FRMD4A: variants seen among roughly 807,000 people sequenced by gnomAD.
FRMD4A encodes the protein FERM domain-containing protein 4A.
FRMD4A carries 29 observed loss-of-function variants against 129.1 expected under a neutral mutation model. That is an observed-to-expected ratio of 0.22 (90% CI 0.17 to 0.31). FRMD4A has a LOEUF of 0.31. Among genes scored for constraint, FRMD4A ranks in the 10% least tolerant of loss-of-function variants. The pLI, the probability that FRMD4A is intolerant of heterozygous loss-of-function variation, is 1.00. For missense variants in FRMD4A, 1,272 were observed against 1,375.8 expected, an observed-to-expected ratio of 0.92 and a Z score of 1.19; for synonymous variants, 634 against 571.6, an observed-to-expected ratio of 1.11 and a Z score of -1.56.
intron 3 of FRMD4A, among the ~76,000 whole-genome samples, chr10:13,820,577 C>T (rs1241529068): frequency 6.6e-6 from 1 of 152,042 alleles, no homozygotes; most frequent in Non-Finnish European, 1.5e-5. Flanking sequence ...AGCAAACAAG[C>T]AGTAACCATC....
intron 2 of FRMD4A, among the ~76,000 whole-genome samples, chr10:13,976,631 A>G (rs1458137723): frequency 6.6e-6 from 1 of 152,186 alleles, no homozygotes; most frequent in African/African-American, 2.4e-5. Context: ...AGGAATAGGA[A>G]AAACTCAGTT....
At chr10:14,021,204 T>A (rs1053066557) in intron 2 of FRMD4A, among the ~76,000 whole-genome samples, 1 of 152,010 alleles carries the variant, frequency 6.6e-6, no homozygotes, top group Non-Finnish European at 1.5e-5. Flanking sequence ...GATGTGTATA[T>A]AGGTGGGGAA....
chr10:13,826,299 T>A (rs1324609692), intron 3 of FRMD4A, among the ~76,000 whole-genome samples: 4 of 152,214 alleles, frequency 2.6e-5, no homozygotes, highest in African/African-American at 9.6e-5. Flanking sequence ...TCGGGAACCA[T>A]GAATAAATCA....
Position 14,314,682 on chromosome 10 carries a change from G to A in FRMD4A, c.45+15376C>T, listed in dbSNP as rs74642106. ...TACACCCACTCATATTTTTCATGTTGCAATCTCTCTGAGCTTCCTTCCTTG... is the reference window on the plus strand; with the variant it reads ...TACACCCACTCATATTTTTCATGTTACAATCTCTCTGAGCTTCCTTCCTTG... On this transcript the variant is annotated intron_variant, in intron 2 of 24. Coordinates refer to ENST00000357447, the MANE Select transcript of FRMD4A (RefSeq NM_018027.5). Among the ~76,000 whole-genome samples, 778 of 152,224 alleles carry A rather than the reference G, an allele frequency of 5.1e-3. 16 individuals are homozygous for A. The South Asian group carries it at 0.053, about 10-fold the overall frequency.
At chr10:14,185,464 A>C (rs11258923) in intron 2 of FRMD4A, among the ~76,000 whole-genome samples, 2 of 152,216 alleles carry the variant, frequency 1.3e-5, no homozygotes, top group South Asian at 2.1e-4. Flanking sequence ...AAATTAGTAC[A>C]AAAAACATTA....
chr10:13,771,230 A>T (rs1479599951), intron 6 of FRMD4A, among the ~76,000 whole-genome samples: 1 of 152,152 alleles, frequency 6.6e-6, no homozygotes, highest in Non-Finnish European at 1.5e-5. Flanking sequence ...GTGTGCCACC[A>T]TGCCTGGCTA....
intron 2 of FRMD4A, among the ~76,000 whole-genome samples, chr10:14,230,717 C>T (rs534900179): frequency 6.6e-6 from 1 of 152,262 alleles, no homozygotes; most frequent in South Asian, 2.1e-4. Flanking sequence ...GGAGTACAGA[C>T]TATTTTGTCA....
intron 2 of FRMD4A, among the ~76,000 whole-genome samples, chr10:14,327,447 G>C (rs7911548): frequency 0.45 from 68,754 of 152,074 alleles, 16,308 homozygotes; most frequent in Non-Finnish European, 0.53. Flanking sequence ...AGGGAACCTA[G>C]ACATCAGAGA....
At chr10:14,168,151 G>A (rs1169129237) in intron 2 of FRMD4A, among the ~76,000 whole-genome samples, 1 of 152,182 alleles carries the variant, frequency 6.6e-6, no homozygotes, top group Non-Finnish European at 1.5e-5. Context: ...AAACCTAGAA[G>A]TCCAGAGGAG....
chr10:13,931,141 G>T (rs1188204025), intron 2 of FRMD4A, among the ~76,000 whole-genome samples: 1 of 152,148 alleles, frequency 6.6e-6, no homozygotes, highest in Non-Finnish European at 1.5e-5. Context: ...AAGGTGTTGA[G>T]CCATAAAGAG....
chr10:13,825,239 T>C (rs1462455020), intron 3 of FRMD4A, among the ~76,000 whole-genome samples: 1 of 152,196 alleles, frequency 6.6e-6, no homozygotes, highest in Non-Finnish European at 1.5e-5. Context: ...CAAGTAAGGT[T>C]GACTTGAACA....
At chr10:13,999,280 A>G (rs905283421) in intron 2 of FRMD4A, among the ~76,000 whole-genome samples, 9 of 152,182 alleles carry the variant, frequency 5.9e-5, no homozygotes, top group East Asian at 1.9e-4. Context: ...CGTACTACCA[A>G]TTCACGAAAG....
intron 2 of FRMD4A, among the ~76,000 whole-genome samples, chr10:13,919,263 C>T (rs1356048308): frequency 6.6e-6 from 1 of 152,194 alleles, no homozygotes; most frequent in East Asian, 1.9e-4. Context: ...TTTGTTTATA[C>T]TGCAGTTGGG....
chr10:13,990,557 T>C (rs1039364448), intron 2 of FRMD4A, among the ~76,000 whole-genome samples: 1 of 152,152 alleles, frequency 6.6e-6, no homozygotes, highest in African/African-American at 2.4e-5. Flanking sequence ...CCTGGTTAAC[T>C]CTCTCCAGGA....
chr10:14,325,667 C>A lies in FRMD4A; in HGVS notation c.45+4391G>T, dbSNP rs555501545. On this transcript the variant is annotated intron_variant, in intron 2 of 24. Coordinates refer to ENST00000357447, the MANE Select transcript of FRMD4A (RefSeq NM_018027.5). Reference sequence around the variant, plus strand: ...CCTGCGTATCTCCAACCTGTCTTGACAATTAGACTGTAAGTATGCTAAAGC... The same window carrying A: ...CCTGCGTATCTCCAACCTGTCTTGAAAATTAGACTGTAAGTATGCTAAAGC... 5.9e-5 allele frequency among the ~76,000 whole-genome samples: 9 copies of A among 152,370 alleles called. No homozygotes were observed. In the South Asian group the frequency reaches 1.2e-3, roughly 21 times the overall value.
intron 2 of FRMD4A, among the ~76,000 whole-genome samples, chr10:13,945,006 G>A (rs902267136): frequency 1.3e-5 from 2 of 152,182 alleles, no homozygotes; most frequent in Non-Finnish European, 2.9e-5. Context: ...CTGGCTTTAC[G>A]TGGACATCTC....
intron 2 of FRMD4A, among the ~76,000 whole-genome samples, chr10:13,899,286 T>G (rs2094793622): frequency 6.6e-6 from 1 of 152,250 alleles, no homozygotes; most frequent in African/African-American, 2.4e-5. Context: ...GTGGTGAGTA[T>G]GTACTCTGTA....
At chr10:14,172,865 G>GTA (rs1324574999) in intron 2 of FRMD4A, among the ~76,000 whole-genome samples, 2 of 152,212 alleles carry the variant, frequency 1.3e-5, no homozygotes, top group African/African-American at 2.4e-5. Flanking sequence ...TAGAGCCTTT[G>GTA]TAACAAACTC....
At chr10:13,702,109 T>C (rs1271257584) in intron 13 of FRMD4A, among the ~76,000 whole-genome samples, 1 of 152,180 alleles carries the variant, frequency 6.6e-6, no homozygotes, top group African/African-American at 2.4e-5. Context: ...TCTTGCCCTG[T>C]CACCCAGGCT....
Sources: allele counts gnomAD v4.1 joint callset (sites outside exome capture counted in the v4.1 genomes callset), GRCh38; gene constraint gnomAD v4.1.1; transcripts MANE v1.5; gene names NCBI Gene and HGNC (gene_info 2026-07-23, HGNC 2026-07-21).